AP3B1: variants seen among roughly 807,000 people sequenced by gnomAD.
The protein encoded by AP3B1 is adaptor related protein complex 3 subunit beta 1, also known as AP-3 complex subunit beta-1.
A neutral mutation model predicts 132.5 loss-of-function variants in AP3B1; 61 were observed. The ratio of observed to expected loss-of-function variants is 0.46; its 90% CI spans 0.37 to 0.57. The LOEUF (loss-of-function observed/expected upper bound fraction) is 0.57, where lower values mean the gene tolerates loss of function less well. Ranked by LOEUF, AP3B1 falls within the 20% of genes least tolerant of loss-of-function variation. The pLI is 0.00. For synonymous variants in AP3B1, 388 were observed against 438.3 expected (o/e 0.89, Z 1.43); for missense variants, 1,120 against 1,289.4 (o/e 0.87, Z 2.01).
chr5:78,253,641 A>G (rs1282878982), intron 2 of AP3B1, among the ~76,000 whole-genome samples: 1 of 152,172 alleles, frequency 6.6e-6, no homozygotes, highest in Non-Finnish European at 1.5e-5. Context: ...AGAAAACTCA[A>G]AGAAATTCAA....
intron 1 of AP3B1, among the ~76,000 whole-genome samples, chr5:78,292,715 C>A (rs983456952): frequency 1.3e-5 from 2 of 152,170 alleles, no homozygotes; most frequent in African/African-American, 4.8e-5. Context: ...ACAATTCAAC[C>A]ATGGTTATTT....
intron 22 of AP3B1, among the ~76,000 whole-genome samples, chr5:78,075,857 C>T (rs1472552350): frequency 1.3e-5 from 2 of 152,178 alleles, no homozygotes; most frequent in African/African-American, 4.8e-5. Context: ...GCTAGCTTCA[C>T]CCTGGCATGG....
At chr5:78,170,086 T>A (rs1417019982) in intron 11 of AP3B1, among the ~76,000 whole-genome samples, 1 of 152,216 alleles carries the variant, frequency 6.6e-6, no homozygotes, top group African/African-American at 2.4e-5. Flanking sequence ...AGACATGAAC[T>A]CATCCTTTCT....
chr5:78,162,139 A>G (rs925182128), intron 13 of AP3B1, among the ~76,000 whole-genome samples: 3 of 152,122 alleles, frequency 2.0e-5, no homozygotes, highest in Non-Finnish European at 4.4e-5. Context: ...TTTTAAAGGT[A>G]AAGTTGGCTT....
Position 78,294,571 on chromosome 5 carries a change from G to C in AP3B1, c.9C>G (p.Ser3Arg). Residue 3 changes from serine to arginine, a missense_variant, in exon 1 of 27, where the codon AGC becomes AGG. Physicochemically the swap from Ser to Arg is moderately radical, Grantham distance 110. Transcript: ENST00000255194. ...ACTGCTCATTGTAAGGAAAACTATTGCTGGACATTGCCGCGGTGCTGGCGG... is the reference window on the plus strand; with the variant it reads ...ACTGCTCATTGTAAGGAAAACTATTCCTGGACATTGCCGCGGTGCTGGCGG... The part of the protein sequence containing the change: MS[S>R]NSFPYNEQSG... 1 of 1,614,144 alleles carries C rather than the reference G, an allele frequency of 6.2e-7. No individual in the cohort carries two copies. Among genetic ancestry groups the C allele is most frequent in the Non-Finnish European group, 8.5e-7 (1 of 1,180,052 alleles).
intron 7 of AP3B1, among the ~76,000 whole-genome samples, chr5:78,186,096 G>GGCTGT (rs1254602369): frequency 1.3e-5 from 2 of 152,054 alleles, no homozygotes; most frequent in African/African-American, 4.8e-5. Flanking sequence ...AAAAGACAAA[G>GGCTGT]GCTGGCAAAG....
intron 15 of AP3B1, among the ~76,000 whole-genome samples, chr5:78,132,692 C>T (rs1752741494): frequency 6.6e-6 from 1 of 152,126 alleles, no homozygotes; most frequent in Non-Finnish European, 1.5e-5. Flanking sequence ...TAACTACTAG[C>T]TTTTTAAATG....
chr5:78,208,631 C>T (rs550541381), intron 7 of AP3B1, among the ~76,000 whole-genome samples: 24 of 152,072 alleles, frequency 1.6e-4, no homozygotes, highest in Non-Finnish European at 3.4e-4. Flanking sequence ...AGGCATATAA[C>T]TACTCTGAAC....
chr5:78,230,700 A>G (rs147739530), intron 3 of AP3B1, among the ~76,000 whole-genome samples: 118 of 152,354 alleles, frequency 7.7e-4, no homozygotes, highest in Non-Finnish European at 1.5e-3. Context: ...AATCTTCCAC[A>G]AGAGCAAAAA....
intron 22 of AP3B1, chr5:78,043,793 T>G: frequency 2.7e-6 from 1 of 376,962 alleles, no homozygotes; most frequent in South Asian, 2.5e-5. Context: ...ATATCTACAC[T>G]AGCCTGAAGA....
intron 24 of AP3B1, among the ~76,000 whole-genome samples, chr5:78,029,709 C>CCAG (rs1193042190): frequency 1.3e-5 from 2 of 152,030 alleles, no homozygotes; most frequent in African/African-American, 4.8e-5. Flanking sequence ...GCTATGCTGG[C>CCAG]CAGGCTGGTC....
chr5:78,149,583 G>C (rs1288656214), intron 14 of AP3B1, among the ~76,000 whole-genome samples: 1 of 152,154 alleles, frequency 6.6e-6, no homozygotes, highest in East Asian at 1.9e-4. Flanking sequence ...ACCGAGCACT[G>C]TTCTAAGTGC....
chr5:78,023,086 A>G (rs1747173590), intron 24 of AP3B1, among the ~76,000 whole-genome samples: 1 of 152,236 alleles, frequency 6.6e-6, no homozygotes, highest in African/African-American at 2.4e-5. Flanking sequence ...ATTCTAGAAC[A>G]GAAGGGACAC....
intron 1 of AP3B1, among the ~76,000 whole-genome samples, chr5:78,275,940 G>T (rs1190952369): frequency 6.6e-6 from 1 of 151,982 alleles, no homozygotes; most frequent in Non-Finnish European, 1.5e-5. Context: ...TTGTACATAG[G>T]ACATTTACCA....
At chr5:78,045,953 A>T (rs1459713366) in intron 22 of AP3B1, among the ~76,000 whole-genome samples, 1 of 152,204 alleles carries the variant, frequency 6.6e-6, no homozygotes, top group Non-Finnish European at 1.5e-5. Flanking sequence ...ATATTCTTTC[A>T]TTTACATACT....
chr5:78,023,885 A>C (rs1055080654), intron 24 of AP3B1, among the ~76,000 whole-genome samples: 4 of 152,224 alleles, frequency 2.6e-5, no homozygotes, highest in African/African-American at 9.6e-5. Flanking sequence ...GAGAATGAAG[A>C]AGCAAAGGAA....
At chr5:78,208,673 G>A (rs917049693) in intron 7 of AP3B1, among the ~76,000 whole-genome samples, 1 of 152,132 alleles carries the variant, frequency 6.6e-6, no homozygotes, top group African/African-American at 2.4e-5. Context: ...AAATAAGTGG[G>A]AGGGGTAGAA....
intron 3 of AP3B1, among the ~76,000 whole-genome samples, chr5:78,234,273 T>C (rs1746780580): frequency 1.3e-5 from 2 of 152,168 alleles, no homozygotes; most frequent in African/African-American, 2.4e-5. Flanking sequence ...TGTGAAACAC[T>C]GTTCCTTTAA....
intron 22 of AP3B1, among the ~76,000 whole-genome samples, chr5:78,061,134 GA>G (rs879781378): frequency 0.016 from 1,931 of 118,192 alleles, 39 homozygotes; most frequent in African/African-American, 0.053. Context: ...GTCAAACATA[GA>G]AAAAAAAAAA....
Sources: gnomAD v4.1 joint callset for allele counts (sites outside exome capture counted in the v4.1 genomes callset) on GRCh38, gnomAD v4.1.1 for gene constraint, MANE v1.5 for transcripts, NCBI Gene and HGNC (gene_info 2026-07-23, HGNC 2026-07-21) for gene names.